Variants in TFIP11 observed in about 807,000 individuals in gnomAD.
TFIP11 encodes tuftelin-interacting protein 11.
TFIP11 carries 86 observed loss-of-function variants against 96.8 expected under a neutral mutation model. The ratio of observed to expected loss-of-function variants is 0.89; its 90% CI spans 0.75 to 1.06. TFIP11 has a LOEUF of 1.06. Among genes scored for constraint, TFIP11 ranks in the 50% least tolerant of loss-of-function variants. TFIP11 has a pLI of 0.00. For synonymous variants in TFIP11, 405 were observed against 395.2 expected (o/e 1.02, Z -0.29); for missense variants, 881 against 1,076.7 (o/e 0.82, Z 2.54).
chr22:26,495,553 TATATATATA>T, intron 12 of TFIP11, among the ~76,000 whole-genome samples: 1 of 77,938 alleles, frequency 1.3e-5, no homozygotes, highest in East Asian at 3.5e-4. Flanking sequence ...TATATATGTG[TATATATATA>T]CACATATATA....
chr22:26,492,224 G>A lies in TFIP11; in HGVS notation c.2303C>T (p.Ser768Phe), dbSNP rs377384093. Residue 768 changes from serine (S) to phenylalanine (F), a missense_variant, in exon 15 of 15, where the codon TCT (serine) becomes TTT (phenylalanine). Physicochemically the swap from Ser to Phe is radical, Grantham distance 155 (BLOSUM62 -2). Coordinates refer to ENST00000407690, the MANE Select transcript of TFIP11 (RefSeq NM_012143.4). ...AQRGIGVAAS[S>F]VPMNFKDLIE... is the part of the protein sequence containing the mutation. ...GAGGTCCTTAAAGTTCATGGGCACA[G>A]AGCTAGCGGCCACGCCAATGCCCCT... The A allele has an allele frequency of 6.2e-7, 1 of 1,614,208 alleles. No homozygotes were observed. The highest frequency in any genetic ancestry group is 8.5e-7 in the Non-Finnish European group (1 of 1,180,034).
Position 26,496,780 on chromosome 22 carries a change from G to A in TFIP11, c.1546C>T (p.Pro516Ser), listed in dbSNP as rs1320690104. Residue 516 changes from proline to serine, a missense_variant, in exon 11 of 15, where the codon CCT becomes TCT. Coordinates refer to ENST00000407690, the MANE Select transcript of TFIP11 (RefSeq NM_012143.4). ...AGTATGTTATCTAAGATCCACACAG[G>A]AATAATGTGCACCCAACTATCCAAA... ...DFLDSWVHIIPVWILDNILDQ... is the reference protein window; with the variant it reads ...DFLDSWVHIISVWILDNILDQ... 1 of 1,614,148 alleles carries A rather than the reference G, an allele frequency of 6.2e-7. No homozygotes were observed. The highest frequency in any genetic ancestry group is 1.1e-5 in the South Asian group (1 of 91,068).
chr22:26,501,842 G>A, intron 8 of TFIP11, 58 bp downstream of exon 8: 1 of 973,166 alleles, frequency 1.0e-6, no homozygotes, highest in South Asian at 1.7e-5. Context: ...CCTCGAACAT[G>A]TTCAGTGATT....
At chr22:26,508,720 C>T (rs979265038) in intron 4 of TFIP11, among the ~76,000 whole-genome samples, 4 of 152,090 alleles carry the variant, frequency 2.6e-5, no homozygotes, top group Non-Finnish European at 5.9e-5. Context: ...TGGCACATGC[C>T]TGTAGTCCCA....
chr22:26,503,000 C>T (rs1247110088), intron 7 of TFIP11, among the ~76,000 whole-genome samples: 1 of 152,216 alleles, frequency 6.6e-6, no homozygotes, highest in Non-Finnish European at 1.5e-5. Flanking sequence ...TGAAGAGTAA[C>T]ATGTCTCTTT....
At chr22:26,500,769 C>T (rs1231595911) in intron 8 of TFIP11, among the ~76,000 whole-genome samples, 3 of 152,122 alleles carry the variant, frequency 2.0e-5, no homozygotes, top group Middle Eastern at 6.3e-3. Context: ...GTTTGAGAAC[C>T]CCACTAAAGG....
intron 11 of TFIP11, 129 bp downstream of exon 11, chr22:26,496,592 A>AG (rs555954690): frequency 6.5e-6 from 8 of 1,221,898 alleles, no homozygotes; most frequent in Non-Finnish European, 9.2e-6. Context: ...TTAACACTAT[A>AG]GGTCAATAGT....
chr22:26,505,428 C>A (rs1923276903), intron 6 of TFIP11, among the ~76,000 whole-genome samples: 1 of 152,192 alleles, frequency 6.6e-6, no homozygotes, highest in Admixed American at 6.5e-5. Flanking sequence ...TCCTGAAGGA[C>A]AAATAGGGTT....
intron 6 of TFIP11, chr22:26,505,845 G>C (rs1923344293): frequency 6.5e-6 from 1 of 152,920 alleles, no homozygotes; most frequent in Non-Finnish European, 1.5e-5. Context: ...TGAGTAGCTG[G>C]GATTACAGGC....
chr22:26,502,847 C>A (rs1463409546), intron 7 of TFIP11, among the ~76,000 whole-genome samples: 1 of 152,206 alleles, frequency 6.6e-6, no homozygotes, highest in Admixed American at 6.5e-5. Flanking sequence ...CCACAGTCCC[C>A]ACCACTCTTT....
Position 26,493,883 on chromosome 22 carries a change from C to A in TFIP11, c.2158+256G>T, listed in dbSNP as rs1921567109. ...TAAGAGGGCGGGGCCTGGGGTTAGA[C>A]TGACATCATCTGAATCCAGCTTAAG... On this transcript the variant is annotated intron_variant, in intron 14 of 14. Transcript: ENST00000407690. 3 of 459,946 alleles carry A rather than the reference C, an allele frequency of 6.5e-6. No individual in the cohort carries two copies. In the South Asian group the frequency reaches 6.5e-5, roughly 10 times the overall value. The allele number at this position is 459,946 out of a possible 1,614,324, so 28.5% of individuals were successfully genotyped here. A position where few individuals can be genotyped will look rare whatever the true frequency, so the allele number is the denominator to read the frequency against.
intron 8 of TFIP11, among the ~76,000 whole-genome samples, chr22:26,501,352 T>G (rs1922758723): frequency 6.6e-6 from 1 of 152,210 alleles, no homozygotes; most frequent in Admixed American, 6.5e-5. Context: ...CCTTAAGTAC[T>G]TTTGTATTCA....
In TFIP11 at chr22:26,494,896, G is replaced by A. The variant is rs745770446; in HGVS notation, c.1893C>T (p.His631=). ...GELVINPHQQ[H]MDAFYWVIDW... ...CAATCACCCAATAGAATGCATCCAT[G>A]TGCTGCTGGTGGGGGTTAATGACTA... The change falls in exon 13 of 15, where the codon CAC becomes CAT. Residue 631 remains histidine (H), a synonymous_variant. Coordinates refer to ENST00000407690, the MANE Select transcript of TFIP11 (RefSeq NM_012143.4). 1 of 1,614,218 alleles carries A rather than the reference G, an allele frequency of 6.2e-7. No individual in the cohort carries two copies. Among genetic ancestry groups the A allele is most frequent in the Admixed American group, 1.7e-5 (1 of 60,030 alleles).
At chr22:26,511,019 G>T (rs1923985738) in intron 2 of TFIP11, 1 of 152,248 alleles carries the variant, frequency 6.6e-6, no homozygotes, top group Non-Finnish European at 1.5e-5. Context: ...TTAGTCCCAT[G>T]ATTAGGTTAA....
In TFIP11 at chr22:26,491,362, AAAAGT is replaced by A. The variant is rs760427602; in HGVS notation, c.*646_*650del. 99 of 1,004,048 alleles carry A rather than the reference AAAAGT, an allele frequency of 9.9e-5. No individual in the cohort carries two copies. The African/African-American group carries it at 1.3e-3, about 13-fold the overall frequency. 62.2% of individuals were successfully genotyped at this position (1,004,048 alleles called of 1,614,324 possible). On this transcript the variant is annotated 3_prime_UTR_variant, in exon 15 of 15. Coordinates refer to ENST00000407690, the MANE Select transcript of TFIP11 (RefSeq NM_012143.4). Reference sequence around the variant, plus strand: ...AAATACCCTATTTGTTATTTTTTTAAAAAGTAAAGTGGGGATGACAAGTAAAGTGG... The same window carrying A: ...AAATACCCTATTTGTTATTTTTTTAAAAAGTGGGGATGACAAGTAAAGTGG...
intron 8 of TFIP11, 138 bp downstream of exon 8, chr22:26,501,762 A>G: frequency 2.8e-6 from 2 of 710,284 alleles, no homozygotes; most frequent in Non-Finnish European, 4.4e-6. Context: ...CACTCCTATA[A>G]ATAAGTGAGA....
At position 26,491,359 on chromosome 22, in the gene TFIP11, T is replaced by G. The variant is rs1921149307; in HGVS notation, c.*654A>C. ...TCAAAATACCCTATTTGTTATTTTT[T>G]TAAAAAGTAAAGTGGGGATGACAAG... On this transcript the variant is annotated 3_prime_UTR_variant, in exon 15 of 15. Coordinates refer to ENST00000407690, the MANE Select transcript of TFIP11 (RefSeq NM_012143.4). The G allele has an allele frequency of 2.0e-6, 2 of 990,380 alleles. No homozygotes were observed. The highest frequency in any genetic ancestry group is 3.3e-5 in the African/African-American group (2 of 61,312). The allele number at this position is 990,380 out of a possible 1,614,324, so 61.3% of individuals were successfully genotyped here.
chr22:26,501,986 A>C lies in TFIP11; in HGVS notation c.715T>G (p.Ser239Ala). The change falls in exon 8 of 15, where the codon TCT becomes GCT. Residue 239 changes from serine (S) to alanine (A), a missense_variant. Ser to Ala is a moderately conservative substitution (Grantham distance 99). Coordinates refer to ENST00000407690, the MANE Select transcript of TFIP11 (RefSeq NM_012143.4). ...PSGSKKKPKY[S>A]YKTVEELKAK... Reference sequence around the variant, plus strand: ...TTCAACTCTTCCACGGTCTTGTAAGAGTATTTGGGCTTCTTCTTGCTTCCA... The same window carrying C: ...TTCAACTCTTCCACGGTCTTGTAAGCGTATTTGGGCTTCTTCTTGCTTCCA... 6.2e-7 allele frequency: 1 copy of C among 1,613,776 alleles called. No homozygotes were observed.
At chr22:26,493,748 A>G (rs1921534912) in intron 14 of TFIP11, 2 of 210,162 alleles carry the variant, frequency 9.5e-6, no homozygotes, top group Non-Finnish European at 2.0e-5. Flanking sequence ...ATTAAGGCTG[A>G]GCAATCACCA....
Sources: gnomAD v4.1 joint callset for allele counts (sites outside exome capture counted in the v4.1 genomes callset) on GRCh38, gnomAD v4.1.1 for gene constraint, MANE v1.5 for transcripts, NCBI Gene and HGNC (gene_info 2026-07-23, HGNC 2026-07-21) for gene names.